The following MAGI1 variants were observed in gnomAD, a reference collection of about 807,000 sequenced individuals.
MAGI1 encodes membrane associated guanylate kinase, WW and PDZ domain containing 1.
MAGI1 carries 58 observed loss-of-function variants against 139.9 expected under a neutral mutation model. That is an observed-to-expected ratio of 0.41 (90% confidence interval 0.34 to 0.52). MAGI1 has a LOEUF of 0.52. MAGI1 is among the 20% of genes least tolerant of loss of function. The pLI, the probability that MAGI1 is intolerant of heterozygous loss-of-function variation, is 0.12. For synonymous variants in MAGI1, 812 were observed against 737.9 expected (o/e 1.10, Z -1.63); for missense variants, 1,874 against 1,901.6 (o/e 0.99, Z 0.27).
At chr3:65,512,876 T>C (rs986293887) in intron 2 of MAGI1, among the ~76,000 whole-genome samples, 12 of 151,422 alleles carry the variant, frequency 7.9e-5, no homozygotes, top group South Asian at 6.3e-4. Context: ...TAGACCAATA[T>C]CCTTGATGAA....
At chr3:65,446,427 G>C (rs1248897257) in intron 7 of MAGI1, among the ~76,000 whole-genome samples, 1 of 152,186 alleles carries the variant, frequency 6.6e-6, no homozygotes, top group Admixed American at 6.5e-5. Flanking sequence ...CTCATGTTTA[G>C]AGTCTTTAAC....
rs534407681 is a variant in MAGI1 at position 65,465,149 on chromosome 3, C to T, written c.959+5134G>A. 3.5e-4 allele frequency among the ~76,000 whole-genome samples: 53 copies of T among 151,248 alleles called. No individual in the cohort carries two copies. In the South Asian group the frequency reaches 5.4e-3, roughly 15 times the overall value. Reference sequence around the variant, plus strand: ...TTACCTTAAATATTCTCTCTACACACATTTAGAAACATTAAACAGTACTAT... The same window carrying T: ...TTACCTTAAATATTCTCTCTACACATATTTAGAAACATTAAACAGTACTAT... On this transcript the variant is annotated intron_variant, in intron 5 of 22. Transcript: ENST00000402939.
At chr3:66,037,034 C>T (rs2068961959) in intron 1 of MAGI1, among the ~76,000 whole-genome samples, 1 of 152,106 alleles carries the variant, frequency 6.6e-6, no homozygotes, top group Admixed American at 6.6e-5. Flanking sequence ...CCCTTCAGTG[C>T]GGTAGGGTCA....
intron 1 of MAGI1, among the ~76,000 whole-genome samples, chr3:65,875,275 T>C (rs531148723): frequency 8.5e-5 from 13 of 152,248 alleles, no homozygotes; most frequent in Non-Finnish European, 1.8e-4. Context: ...AAGGGTTTGT[T>C]GTTGAGATGA....
chr3:65,741,967 G>C (rs557189101), intron 1 of MAGI1, among the ~76,000 whole-genome samples: 5 of 152,306 alleles, frequency 3.3e-5, no homozygotes, highest in Non-Finnish European at 5.9e-5. Flanking sequence ...GGACAGCATA[G>C]AGGAGGTGCC....
intron 12 of MAGI1, among the ~76,000 whole-genome samples, chr3:65,426,740 G>A (rs567006538): frequency 6.6e-6 from 1 of 152,282 alleles, no homozygotes; most frequent in South Asian, 2.1e-4. Flanking sequence ...ATATTTATAT[G>A]CCTTCCAGAA....
chr3:65,468,368 T>A (rs1371519783), intron 5 of MAGI1, among the ~76,000 whole-genome samples: 1 of 1,012 alleles, frequency 9.9e-4, no homozygotes, highest in Non-Finnish European at 2.6e-3. Flanking sequence ...GAGGGTATTC[T>A]TTTTTTTTTT....
chr3:65,928,566 G>C (rs1035120755), intron 1 of MAGI1, among the ~76,000 whole-genome samples: 12 of 152,070 alleles, frequency 7.9e-5, no homozygotes, highest in Admixed American at 5.2e-4. Context: ...ACATTGTCAC[G>C]GTGGCAAGCA....
chr3:65,404,709 G>C (rs1431693793), intron 12 of MAGI1, among the ~76,000 whole-genome samples: 1 of 152,068 alleles, frequency 6.6e-6, no homozygotes, highest in Admixed American at 6.6e-5. Context: ...AAAACAGCTG[G>C]GAGACCTAAC....
At chr3:65,622,689 G>A (rs936028568) in intron 1 of MAGI1, among the ~76,000 whole-genome samples, 5 of 151,904 alleles carry the variant, frequency 3.3e-5, no homozygotes, top group Non-Finnish European at 5.9e-5. Flanking sequence ...TCAGCTTCCC[G>A]AGTAGCTGCG....
intron 2 of MAGI1, among the ~76,000 whole-genome samples, chr3:65,550,529 G>A (rs2079772545): frequency 6.6e-6 from 1 of 152,186 alleles, no homozygotes; most frequent in Non-Finnish European, 1.5e-5. Context: ...TCACCTCCGG[G>A]CAGCTCTTCC....
At chr3:65,992,763 G>T (rs1419985256) in intron 1 of MAGI1, among the ~76,000 whole-genome samples, 20 of 152,144 alleles carry the variant, frequency 1.3e-4, no homozygotes. Context: ...GGAACAAGGG[G>T]CAGAGACTTT....
intron 1 of MAGI1, among the ~76,000 whole-genome samples, chr3:65,887,838 A>G (rs1375700460): frequency 1.3e-5 from 2 of 152,174 alleles, no homozygotes; most frequent in South Asian, 4.1e-4. Flanking sequence ...CCTATTATTC[A>G]TTGAATTTAT....
chr3:65,846,743 T>C (rs562087832), intron 1 of MAGI1, among the ~76,000 whole-genome samples: 97 of 152,256 alleles, frequency 6.4e-4, no homozygotes, highest in African/African-American at 2.1e-3. Flanking sequence ...CCAAGGCAGG[T>C]AGGAAATGGT....
intron 18 of MAGI1, among the ~76,000 whole-genome samples, chr3:65,367,720 T>C (rs1941569941): frequency 6.6e-6 from 1 of 152,214 alleles, no homozygotes; most frequent in Non-Finnish European, 1.5e-5. Context: ...GTGGAGATAC[T>C]GGGAATTAAA....
At chr3:65,593,935 T>C (rs1198444126) in intron 2 of MAGI1, among the ~76,000 whole-genome samples, 1 of 152,224 alleles carries the variant, frequency 6.6e-6, no homozygotes, top group Non-Finnish European at 1.5e-5. Context: ...CATTTAAAAA[T>C]CTTTTCGCTC....
intron 1 of MAGI1, among the ~76,000 whole-genome samples, chr3:65,800,049 C>T (rs533288996): frequency 6.6e-6 from 1 of 152,338 alleles, no homozygotes; most frequent in South Asian, 2.1e-4. Context: ...CTACCACTTA[C>T]TTTGCTGAAT....
chr3:65,401,376 A>ACCCCCCCCCCCCCCCCCCC, intron 13 of MAGI1, 63 bp downstream of exon 13: 1 of 406,702 alleles, frequency 2.5e-6, no homozygotes, highest in Non-Finnish European at 4.4e-6. Context: ...GTACCCTCCC[A>ACCCCCCCCCCCCCCCCCCC]CCTCCAGCCC....
intron 12 of MAGI1, among the ~76,000 whole-genome samples, chr3:65,423,382 G>GCACACA (rs374242651): frequency 6.4e-4 from 90 of 141,224 alleles, no homozygotes; most frequent in Middle Eastern, 3.5e-3. Context: ...GTGCACACAC[G>GCACACA]CGCACACACA....
Sources: gnomAD v4.1 joint callset for allele counts (sites outside exome capture counted in the v4.1 genomes callset) on GRCh38, gnomAD v4.1.1 for gene constraint, MANE v1.5 for transcripts, NCBI Gene and HGNC (gene_info 2026-07-23, HGNC 2026-07-21) for gene names.